NRG3: variants seen among roughly 807,000 people sequenced by gnomAD.
NRG3 encodes neuregulin 3, also known as pro-neuregulin-3, membrane-bound isoform.
Under a neutral mutation model 66.9 loss-of-function variants are expected in NRG3, and 31 were observed. The observed-to-expected ratio is 0.46, with a 90% CI of 0.35 to 0.63. NRG3 has a LOEUF of 0.63. Among genes scored for constraint, NRG3 ranks in the 20% least tolerant of loss-of-function variants. The pLI is 0.00. For missense variants in NRG3, 910 were observed against 878.9 expected, an observed-to-expected ratio of 1.04 and a Z score of -0.45; for synonymous variants, 393 against 359.4, an observed-to-expected ratio of 1.09 and a Z score of -1.06.
At chr10:82,092,073 C>A (rs979836385) in intron 1 of NRG3, among the ~76,000 whole-genome samples, 2 of 152,050 alleles carry the variant, frequency 1.3e-5, no homozygotes, top group Admixed American at 6.6e-5. Context: ...GCACTTATTC[C>A]GTGCCAGGCT....
intron 1 of NRG3, among the ~76,000 whole-genome samples, chr10:81,880,914 T>C (rs1842121643): frequency 6.6e-6 from 1 of 152,152 alleles, no homozygotes; most frequent in South Asian, 2.1e-4. Flanking sequence ...AAATTTTACT[T>C]ATCCACCCAA....
intron 1 of NRG3, among the ~76,000 whole-genome samples, chr10:81,923,222 T>A (rs770889079): frequency 6.6e-6 from 1 of 152,312 alleles, no homozygotes. Context: ...TACCTACCTG[T>A]GGGCAACTGC....
chr10:82,207,824 A>G (rs888383621), intron 1 of NRG3, among the ~76,000 whole-genome samples: 21 of 152,134 alleles, frequency 1.4e-4, no homozygotes, highest in Non-Finnish European at 2.2e-4. Context: ...CAAGAACGGC[A>G]TGGGGAGAAA....
rs552711187 is a variant in NRG3, at chr10:82,054,328, T to G, written c.823+178165T>G. 3.3e-5 allele frequency among the ~76,000 whole-genome samples: 5 copies of G among 152,224 alleles called. No homozygotes were observed. The South Asian group carries it at 6.2e-4, about 19-fold the overall frequency. On this transcript the variant is annotated intron_variant, in intron 1 of 8. Transcript: ENST00000372141. The stretch of plus-strand genomic sequence containing the variant: ...GAAGTGGCTGGATTCTGGGTATATT[T>G]TGAAGGTGGAAGTGACAGGATTTGC...
intron 6 of NRG3, among the ~76,000 whole-genome samples, chr10:82,969,175 T>C (rs540469815): frequency 6.6e-6 from 1 of 152,316 alleles, no homozygotes; most frequent in South Asian, 2.1e-4. Flanking sequence ...CTTGCTTTCT[T>C]CAGTTTGTCA....
chr10:82,617,826 C>T (rs1265137285), intron 2 of NRG3, among the ~76,000 whole-genome samples: 2 of 152,230 alleles, frequency 1.3e-5, no homozygotes, highest in South Asian at 4.1e-4. Context: ...TTGACAGCTA[C>T]GGAGCAGCTG....
intron 1 of NRG3, among the ~76,000 whole-genome samples, chr10:82,021,860 G>A (rs570284027): frequency 6.7e-6 from 1 of 150,260 alleles, no homozygotes; most frequent in Admixed American, 6.7e-5. Context: ...AAGTCTTCCT[G>A]ATTTGAAGGA....
chr10:82,537,518 G>C (rs1387243596), intron 2 of NRG3, among the ~76,000 whole-genome samples: 1 of 152,120 alleles, frequency 6.6e-6, no homozygotes, highest in African/African-American at 2.4e-5. Context: ...AGTTTGATAA[G>C]AGTCAGTTAG....
In NRG3 at chr10:82,125,210, A is replaced by G. The variant is rs538198542; in HGVS notation, c.824-233529A>G. 1.3e-4 allele frequency among the ~76,000 whole-genome samples: 20 copies of G among 151,966 alleles called. No homozygotes were observed. The South Asian group carries it at 4.2e-3, about 32-fold the overall frequency. On this transcript the variant is annotated intron_variant, in intron 1 of 8. Transcript: ENST00000372141. ...CCCGGTCATGAATTTAATTTAAGCA[A>G]TGTCTGCGTGTTGAATGTTTTGTTG...
chr10:82,935,947 A>G (rs557594983), intron 4 of NRG3, among the ~76,000 whole-genome samples: 162 of 152,330 alleles, frequency 1.1e-3, no homozygotes, highest in South Asian at 6.4e-3. Flanking sequence ...AAAAATAGAT[A>G]CAACTAGCTT....
intron 2 of NRG3, among the ~76,000 whole-genome samples, chr10:82,610,871 G>A (rs546976943): frequency 1.3e-5 from 2 of 152,224 alleles, no homozygotes; most frequent in African/African-American, 4.8e-5. Context: ...TAATGACTGT[G>A]TTGTATTCAA....
At chr10:82,094,690 T>C (rs941291113) in intron 1 of NRG3, among the ~76,000 whole-genome samples, 1 of 152,214 alleles carries the variant, frequency 6.6e-6, no homozygotes, top group African/African-American at 2.4e-5. Flanking sequence ...GGTGTATGTA[T>C]ATATTCAGCC....
intron 2 of NRG3, among the ~76,000 whole-genome samples, chr10:82,447,428 A>C (rs2090789591): frequency 6.6e-6 from 1 of 152,212 alleles, no homozygotes; most frequent in South Asian, 2.1e-4. Context: ...TAAAAAAATT[A>C]ATAAATAAGA....
intron 1 of NRG3, among the ~76,000 whole-genome samples, chr10:82,021,569 T>G (rs2062060205): frequency 1.3e-5 from 2 of 152,058 alleles, no homozygotes; most frequent in Non-Finnish European, 2.9e-5. Context: ...TAGTCTCAGT[T>G]TGTTAGAACT....
At chr10:82,860,212 C>G (rs1323897779) in intron 3 of NRG3, among the ~76,000 whole-genome samples, 1 of 152,294 alleles carries the variant, frequency 6.6e-6, no homozygotes, top group East Asian at 1.9e-4. Flanking sequence ...AGACAGATAA[C>G]AGTTGTCTTC....
intron 3 of NRG3, among the ~76,000 whole-genome samples, chr10:82,769,234 T>C (rs1341332338): frequency 6.6e-6 from 1 of 152,126 alleles, no homozygotes; most frequent in Non-Finnish European, 1.5e-5. Context: ...ATAATTCTCA[T>C]GTGACTTCTA....
intron 2 of NRG3, among the ~76,000 whole-genome samples, chr10:82,673,737 G>C (rs2053466340): frequency 6.6e-6 from 1 of 152,192 alleles, no homozygotes; most frequent in Non-Finnish European, 1.5e-5. Context: ...GGTTGAGTTT[G>C]AGATGACTTT....
intron 1 of NRG3, among the ~76,000 whole-genome samples, chr10:82,214,528 A>G (rs754686258): frequency 1.3e-5 from 2 of 152,138 alleles, no homozygotes; most frequent in African/African-American, 4.8e-5. Flanking sequence ...GCAGTGGTGC[A>G]ATCATAGCTC....
At chr10:82,500,960 T>C (rs934329266) in intron 2 of NRG3, among the ~76,000 whole-genome samples, 1 of 152,072 alleles carries the variant, frequency 6.6e-6, no homozygotes, top group Non-Finnish European at 1.5e-5. Flanking sequence ...AGGTAGACAA[T>C]TGGGGGTATA....
Sources: gnomAD v4.1 joint callset for allele counts (sites outside exome capture counted in the v4.1 genomes callset) on GRCh38, gnomAD v4.1.1 for gene constraint, MANE v1.5 for transcripts, NCBI Gene and HGNC (gene_info 2026-07-23, HGNC 2026-07-21) for gene names.